CNTN4: variants seen among roughly 807,000 people sequenced by gnomAD.
CNTN4 encodes the protein contactin 4.
Under a neutral mutation model 122.5 loss-of-function variants are expected in CNTN4, and 77 were observed. The observed-to-expected ratio is 0.63, with a 90% CI of 0.52 to 0.76. CNTN4 has a LOEUF of 0.76. Among genes scored for constraint, CNTN4 ranks in the 30% least tolerant of loss-of-function variants. CNTN4 has a pLI of 0.00. For missense variants in CNTN4, 1,256 were observed against 1,259.1 expected, an observed-to-expected ratio of 1.00 and a Z score of 0.04; for synonymous variants, 512 against 447.0, an observed-to-expected ratio of 1.15 and a Z score of -1.83.
At chr3:2,223,352 A>G (rs1386913473) in intron 2 of CNTN4, among the ~76,000 whole-genome samples, 6 of 152,000 alleles carry the variant, frequency 3.9e-5, no homozygotes, top group Non-Finnish European at 8.8e-5. Context: ...CCCTCCATAT[A>G]TCCTTCCCCC....
At chr3:2,915,067 A>G (rs572752849) in intron 12 of CNTN4, among the ~76,000 whole-genome samples, 2 of 129,022 alleles carry the variant, frequency 1.6e-5, no homozygotes, top group South Asian at 2.6e-4. Flanking sequence ...AAAATTCAAT[A>G]CCATGTCTTT....
At chr3:2,258,826 C>G (rs1414945361) in intron 2 of CNTN4, among the ~76,000 whole-genome samples, 1 of 151,908 alleles carries the variant, frequency 6.6e-6, no homozygotes, top group Non-Finnish European at 1.5e-5. Flanking sequence ...TCTTATTTCT[C>G]TCCCATTGAA....
chr3:2,553,550 A>G (rs1295035624), intron 3 of CNTN4, among the ~76,000 whole-genome samples: 2 of 152,182 alleles, frequency 1.3e-5, no homozygotes, highest in African/African-American at 2.4e-5. Context: ...GGCATTTAAC[A>G]GTGTGTCCTA....
At chr3:2,827,851 T>C (rs2093020297) in intron 7 of CNTN4, among the ~76,000 whole-genome samples, 1 of 152,190 alleles carries the variant, frequency 6.6e-6, no homozygotes, top group Non-Finnish European at 1.5e-5. Flanking sequence ...GCTGAAATAA[T>C]GCTGAGAATA....
At chr3:2,604,781 A>G (rs189898994) in intron 4 of CNTN4, among the ~76,000 whole-genome samples, 3 of 152,276 alleles carry the variant, frequency 2.0e-5, no homozygotes, top group Admixed American at 1.3e-4. Flanking sequence ...ATCACAATCA[A>G]TGCCATAAAC....
At chr3:2,669,164 T>C (rs1220431848) in intron 4 of CNTN4, among the ~76,000 whole-genome samples, 3 of 152,220 alleles carry the variant, frequency 2.0e-5, no homozygotes, top group South Asian at 2.1e-4. Context: ...TCAGAAGGAA[T>C]GGTACCAGCT....
chr3:2,818,330 T>C (rs183674290), intron 6 of CNTN4, among the ~76,000 whole-genome samples: 2 of 152,282 alleles, frequency 1.3e-5, no homozygotes, highest in African/African-American at 4.8e-5. Context: ...TAAGCCTGAG[T>C]GTAGAAACAT....
intron 3 of CNTN4, among the ~76,000 whole-genome samples, chr3:2,527,851 C>T (rs1054386535): frequency 2.6e-5 from 4 of 152,106 alleles, no homozygotes; most frequent in African/African-American, 9.7e-5. Context: ...GATACTTGAT[C>T]CTCCCCCTTT....
At chr3:2,472,950 T>C (rs1192446898) in intron 3 of CNTN4, among the ~76,000 whole-genome samples, 4 of 152,038 alleles carry the variant, frequency 2.6e-5, no homozygotes, top group Admixed American at 6.6e-5. Context: ...ACTAGCATAG[T>C]CGGCAGGGCG....
At chr3:2,572,502 C>A (rs2079469130) in intron 4 of CNTN4, among the ~76,000 whole-genome samples, 2 of 152,206 alleles carry the variant, frequency 1.3e-5, no homozygotes, top group Admixed American at 1.3e-4. Context: ...GCTGGTGCAT[C>A]AGAAGTCCAG....
intron 3 of CNTN4, among the ~76,000 whole-genome samples, chr3:2,388,441 A>G (rs1191583162): frequency 6.6e-6 from 1 of 152,174 alleles, no homozygotes; most frequent in African/African-American, 2.4e-5. Context: ...CTCTGGCCAC[A>G]CCTTGCTATT....
At chr3:2,103,375 C>T (rs2032154663) in intron 2 of CNTN4, among the ~76,000 whole-genome samples, 4 of 152,128 alleles carry the variant, frequency 2.6e-5, no homozygotes, top group Admixed American at 2.6e-4. Flanking sequence ...CTACCAGGAT[C>T]AGGAGCAGAT....
At chr3:2,730,870 C>T (rs954710834) in intron 4 of CNTN4, among the ~76,000 whole-genome samples, 1 of 151,876 alleles carries the variant, frequency 6.6e-6, no homozygotes, top group African/African-American at 2.4e-5. Flanking sequence ...TCCTGCTTGC[C>T]TGGGAGGGAA....
chr3:2,673,482 T>C (rs1241420942), intron 4 of CNTN4, among the ~76,000 whole-genome samples: 1 of 152,172 alleles, frequency 6.6e-6, no homozygotes, highest in Non-Finnish European at 1.5e-5. Flanking sequence ...GGGCTGGGCT[T>C]GTGACCTGCT....
intron 4 of CNTN4, among the ~76,000 whole-genome samples, chr3:2,734,720 C>T (rs2088957358): frequency 1.3e-5 from 2 of 151,402 alleles, no homozygotes; most frequent in African/African-American, 4.9e-5. Context: ...CACCTAGATC[C>T]CCAAACCAAC....
Position 2,648,285 on chromosome 3 carries a change from G to A in CNTN4, c.55+76727G>A, listed in dbSNP as rs142699949. On this transcript the variant is annotated intron_variant, in intron 4 of 24. Coordinates refer to ENST00000418658, the MANE Select transcript of CNTN4 (RefSeq NM_175607.3). ...GCATCCTATTACTGGCATGCCTTGT[G>A]TTATTGTGCTTTGCTTTATTGCACT... is the stretch of plus-strand genomic sequence containing the variant. Among the ~76,000 whole-genome samples, 449 of 152,248 alleles carry A rather than the reference G, an allele frequency of 2.9e-3. 2 individuals are homozygous for A. Among genetic ancestry groups the A allele is most frequent in the African/African-American group, 0.01 (426 of 41,542 alleles).
At chr3:2,672,322 C>T (rs1007057128) in intron 4 of CNTN4, among the ~76,000 whole-genome samples, 2 of 152,180 alleles carry the variant, frequency 1.3e-5, no homozygotes, top group African/African-American at 2.4e-5. Flanking sequence ...GGTGGGCGCC[C>T]CTCCCCCAGC....
chr3:2,875,902 A>C (rs964582782), intron 8 of CNTN4, among the ~76,000 whole-genome samples: 6 of 152,216 alleles, frequency 3.9e-5, no homozygotes, highest in Non-Finnish European at 5.9e-5. Flanking sequence ...CCCAAACTGG[A>C]AACTATTAGC....
At position 2,768,911 on chromosome 3, in the gene CNTN4, C is replaced by T. The variant is rs551561398; in HGVS notation, c.358+23214C>T. 2.4e-4 allele frequency among the ~76,000 whole-genome samples: 37 copies of T among 152,240 alleles called. No homozygotes were observed. In the South Asian group the frequency reaches 6.6e-3, roughly 27 times the overall value. ...AAATAGGAAGTGACTTCCTCAAGTT[C>T]GTGATCCCATTAAGGGACAGATCCG... is the stretch of plus-strand genomic sequence containing the variant. On this transcript the variant is annotated intron_variant, in intron 6 of 24. Transcript: ENST00000418658.
Sources: allele counts gnomAD v4.1 joint callset (sites outside exome capture counted in the v4.1 genomes callset), GRCh38; gene constraint gnomAD v4.1.1; transcripts MANE v1.5; gene names NCBI Gene and HGNC (gene_info 2026-07-23, HGNC 2026-07-21).